TRABD2B: variants seen among roughly 807,000 people sequenced by gnomAD.
The protein encoded by TRABD2B is metalloprotease TIKI2.
In TRABD2B, 14 loss-of-function variants were observed where a neutral mutation model predicts 40.1. The observed-to-expected ratio is 0.35, with a 90% CI of 0.23 to 0.55. TRABD2B has a LOEUF of 0.55. Ranked by LOEUF, TRABD2B falls within the 20% of genes least tolerant of loss-of-function variation. TRABD2B has a pLI of 0.90. For missense variants in TRABD2B, 541 were observed against 648.6 expected (o/e 0.83, Z 1.80); for synonymous variants, 263 against 277.0 (o/e 0.95, Z 0.50).
At chr1:47,820,980 G>A (rs1367832041) in intron 2 of TRABD2B, among the ~76,000 whole-genome samples, 2 of 152,198 alleles carry the variant, frequency 1.3e-5, no homozygotes, top group Non-Finnish European at 2.9e-5. Flanking sequence ...CCTCCTGGAC[G>A]TTTGGACACC....
chr1:47,799,670 G>A (rs756576063), intron 3 of TRABD2B, among the ~76,000 whole-genome samples: 7 of 152,198 alleles, frequency 4.6e-5, no homozygotes, highest in Non-Finnish European at 7.4e-5. Flanking sequence ...GGCCCGGCCC[G>A]GTCTGTCTGC....
At chr1:47,893,843 T>G (rs578054188) in intron 2 of TRABD2B, among the ~76,000 whole-genome samples, 1 of 152,248 alleles carries the variant, frequency 6.6e-6, no homozygotes, top group African/African-American at 2.4e-5. Context: ...GCTCTTGGAC[T>G]CTGCGGGGGC....
Position 47,997,342 on chromosome 1 carries a change from C to T in TRABD2B, c.-553G>A. 1 of 374,154 alleles carries T rather than the reference C, an allele frequency of 2.7e-6. No individual in the cohort carries two copies. The highest frequency in any genetic ancestry group is 2.3e-5 in the African/African-American group (1 of 43,060). 23.2% of individuals were successfully genotyped at this position (374,154 alleles called of 1,614,324 possible). A position where few individuals can be genotyped will look rare whatever the true frequency, so the allele number is the denominator to read the frequency against. On this transcript the variant is annotated 5_prime_UTR_variant, in exon 1 of 7. Coordinates refer to ENST00000606738, the MANE Select transcript of TRABD2B (RefSeq NM_001194986.2). ...GGCGGGCGGCCGCGCGGCCGCTGCC[C>T]GGGCTCCGCCATGCTGCTCCGCGGC... is the stretch of plus-strand genomic sequence containing the variant.
chr1:47,881,494 G>A (rs1375521517), intron 2 of TRABD2B, among the ~76,000 whole-genome samples: 1 of 152,214 alleles, frequency 6.6e-6, no homozygotes, highest in African/African-American at 2.4e-5. Flanking sequence ...GACACCATGA[G>A]ATTGGTACTA....
At position 47,996,940 on chromosome 1, in the gene TRABD2B, T is replaced by C. The variant is rs370218444; in HGVS notation, c.-151A>G. 5 of 1,116,936 alleles carry C rather than the reference T, an allele frequency of 4.5e-6. No homozygotes were observed. The highest frequency in any genetic ancestry group is 5.5e-6 in the Non-Finnish European group (5 of 915,568). 69.2% of individuals were successfully genotyped at this position (1,116,936 alleles called of 1,614,324 possible). A position where few individuals can be genotyped will look rare whatever the true frequency, so the allele number is the denominator to read the frequency against. The stretch of plus-strand genomic sequence containing the variant: ...CCTCTGGGGCGTGGCTGACTGTCCC[T>C]GTCGGACCTGGGGGTTTCTCTGGGG... On this transcript the variant is annotated 5_prime_UTR_variant, in exon 1 of 7. Coordinates refer to ENST00000606738, the MANE Select transcript of TRABD2B (RefSeq NM_001194986.2). The surrounding 1 kb of genome is among the most constrained non-coding windows in gnomAD (Gnocchi z 4.6).
At chr1:47,927,952 C>T (rs954266256) in intron 2 of TRABD2B, among the ~76,000 whole-genome samples, 8 of 152,216 alleles carry the variant, frequency 5.3e-5, no homozygotes, top group Non-Finnish European at 1.0e-4. Flanking sequence ...AAAGTGCAGT[C>T]TTGGACCAGA....
intron 2 of TRABD2B, among the ~76,000 whole-genome samples, chr1:47,918,212 T>A (rs1194838602): frequency 6.6e-6 from 1 of 152,168 alleles, no homozygotes; most frequent in East Asian, 1.9e-4. Flanking sequence ...CACCTGTCTG[T>A]CTCCGTGGCT....
chr1:47,848,921 A>G (rs1485948764), intron 2 of TRABD2B, among the ~76,000 whole-genome samples: 1 of 152,202 alleles, frequency 6.6e-6, no homozygotes, highest in Non-Finnish European at 1.5e-5. Flanking sequence ...CCCTATGGAC[A>G]TGGCTCCCTG....
intron 2 of TRABD2B, among the ~76,000 whole-genome samples, chr1:47,847,523 T>C (rs1339035146): frequency 6.6e-6 from 1 of 152,146 alleles, no homozygotes; most frequent in Non-Finnish European, 1.5e-5. Context: ...ACTGGACTGA[T>C]GGGGAAACTG....
intron 2 of TRABD2B, among the ~76,000 whole-genome samples, chr1:47,966,904 CAAATAAAATA>C (rs59311312): frequency 0.012 from 1,514 of 128,772 alleles, 29 homozygotes; most frequent in African/African-American, 0.025. Context: ...GACTCTGTCT[CAAATAAAATA>C]AAATAAAATA....
rs143578583 is a variant in TRABD2B at position 47,926,296 on chromosome 1, A to G, written c.666+67738T>C. On this transcript the variant is annotated intron_variant, in intron 2 of 6. Coordinates refer to ENST00000606738, the MANE Select transcript of TRABD2B (RefSeq NM_001194986.2). Reference sequence around the variant, plus strand: ...CGAGGCCCAAGGATAAGACTGGGGAAGTAAAATCTCATACATACAGCAGCA... The same window carrying G: ...CGAGGCCCAAGGATAAGACTGGGGAGGTAAAATCTCATACATACAGCAGCA... Among the ~76,000 whole-genome samples the G allele has an allele frequency of 2.4e-3, 359 of 152,336 alleles. 5 individuals carry two copies. The highest frequency in any genetic ancestry group is 6.4e-3 in the East Asian group (33 of 5,176).
intron 2 of TRABD2B, 43 bp downstream of exon 2, chr1:47,993,991 T>A (rs1056629127): frequency 1.3e-6 from 2 of 1,490,374 alleles, no homozygotes; most frequent in African/African-American, 1.4e-5. Flanking sequence ...AGGACCCAGG[T>A]ACCCAGGGCT....
At chr1:47,833,102 G>T (rs1645272108) in intron 2 of TRABD2B, among the ~76,000 whole-genome samples, 1 of 152,232 alleles carries the variant, frequency 6.6e-6, no homozygotes, top group Admixed American at 6.5e-5. Context: ...TAGCAAATCA[G>T]AATTCATTTA....
intron 2 of TRABD2B, among the ~76,000 whole-genome samples, chr1:47,965,235 A>T (rs1354628167): frequency 1.7e-4 from 1 of 5,896 alleles, no homozygotes; most frequent in Admixed American, 2.1e-3. Context: ...GGGGGGGTGG[A>T]TGGGGAGGTG....
intron 2 of TRABD2B, among the ~76,000 whole-genome samples, chr1:47,938,094 C>T (rs79004758): frequency 0.058 from 8,796 of 152,238 alleles, 471 homozygotes; most frequent in East Asian, 0.29. Flanking sequence ...CGGCACAGGC[C>T]CACAGAACAA....
chr1:47,892,193 T>C (rs1275210321), intron 2 of TRABD2B, among the ~76,000 whole-genome samples: 1 of 152,142 alleles, frequency 6.6e-6, no homozygotes, highest in Non-Finnish European at 1.5e-5. Context: ...AGTAGTGGAA[T>C]CCTGCTGTCT....
chr1:47,908,194 A>C (rs1644703966), intron 2 of TRABD2B, among the ~76,000 whole-genome samples: 1 of 152,214 alleles, frequency 6.6e-6, no homozygotes, highest in African/African-American at 2.4e-5. Context: ...CATTTTTATA[A>C]CTATGTATTC....
At chr1:47,946,916 A>G (rs1437934081) in intron 2 of TRABD2B, among the ~76,000 whole-genome samples, 1 of 149,450 alleles carries the variant, frequency 6.7e-6, no homozygotes, top group Non-Finnish European at 1.5e-5. Context: ...AGGTGATGAA[A>G]AAAGACAAGT....
At chr1:47,891,335 T>A (rs1557639802) in intron 2 of TRABD2B, among the ~76,000 whole-genome samples, 1 of 152,040 alleles carries the variant, frequency 6.6e-6, no homozygotes, top group South Asian at 2.1e-4. Context: ...CTATGAGCAA[T>A]AAAGCAGGGC....
Sources: allele counts gnomAD v4.1 joint callset (sites outside exome capture counted in the v4.1 genomes callset), GRCh38; gene constraint gnomAD v4.1.1; non-coding constraint Gnocchi (gnomAD v3.1); transcripts MANE v1.5; gene names NCBI Gene and HGNC (gene_info 2026-07-23, HGNC 2026-07-21).